Variants in ANO3 observed in about 807,000 individuals in gnomAD.
The protein encoded by ANO3 is anoctamin 3, also known as anoctamin-3.
Under a neutral mutation model 144.8 loss-of-function variants are expected in ANO3, and 99 were observed. The observed-to-expected ratio is 0.68, with a 90% confidence interval of 0.58 to 0.81. The LOEUF (loss-of-function observed/expected upper bound fraction) is 0.81, where lower values mean the gene tolerates loss of function less well. ANO3 is among the 30% of genes least tolerant of loss of function. ANO3 has a pLI of 0.00. For synonymous variants in ANO3, 414 were observed against 392.6 expected, an observed-to-expected ratio of 1.05 and a Z score of -0.64; for missense variants, 905 against 1,202.2, an observed-to-expected ratio of 0.75 and a Z score of 3.66.
At position 26,366,951 on chromosome 11, in the gene ANO3, CA is replaced by C. The variant is rs201987729; in HGVS notation, c.46+34633del. On this transcript the variant is annotated intron_variant, in intron 1 of 26. Coordinates refer to ENST00000256737, the MANE Select transcript of ANO3 (RefSeq NM_031418.4). ...AGAACAGAGCCCTCAGAAATAATACCAAACATCTACAACTATCTGATCTTTG... is the reference window on the plus strand; with the variant it reads ...AGAACAGAGCCCTCAGAAATAATACCAACATCTACAACTATCTGATCTTTG... Among the ~76,000 whole-genome samples the C allele has an allele frequency of 9.8e-3, 1,496 of 152,130 alleles. 27 individuals are homozygous for C. Among genetic ancestry groups the C allele is most frequent in the African/African-American group, 0.034 (1,411 of 41,486 alleles).
chr11:26,622,631 A>G (rs1366182039), intron 17 of ANO3, among the ~76,000 whole-genome samples: 1 of 152,118 alleles, frequency 6.6e-6, no homozygotes, highest in African/African-American at 2.4e-5. Flanking sequence ...GTTAAAAATG[A>G]AATGGTTTAT....
chr11:26,555,077 G>T (rs1850046368), intron 13 of ANO3, among the ~76,000 whole-genome samples: 1 of 152,102 alleles, frequency 6.6e-6, no homozygotes, highest in South Asian at 2.1e-4. Context: ...GTTAGTTTCT[G>T]ATTTATCTTG....
intron 14 of ANO3, among the ~76,000 whole-genome samples, chr11:26,563,746 A>G (rs957180042): frequency 6.6e-6 from 1 of 151,906 alleles, no homozygotes; most frequent in African/African-American, 2.4e-5. Flanking sequence ...ACTACAAGGA[A>G]AAATCAGTGT....
intron 1 of ANO3, among the ~76,000 whole-genome samples, chr11:26,349,396 ATCAT>A (rs1855577026): frequency 6.6e-6 from 1 of 152,176 alleles, no homozygotes; most frequent in African/African-American, 2.4e-5. Flanking sequence ...ATATATAAAA[ATCAT>A]TCACACATGT....
intron 16 of ANO3, 137 bp downstream of exon 16, chr11:26,599,135 A>T: frequency 1.1e-6 from 1 of 903,720 alleles, no homozygotes; most frequent in South Asian, 1.6e-5. Flanking sequence ...ACGTACAATT[A>T]AACAAACAAA....
At chr11:26,431,446 A>T (rs957980038) in intron 1 of ANO3, among the ~76,000 whole-genome samples, 4 of 152,192 alleles carry the variant, frequency 2.6e-5, no homozygotes, top group South Asian at 4.1e-4. Flanking sequence ...ATACATGTGT[A>T]GGTTTGTTAC....
chr11:26,417,908 T>TA (rs960997720), intron 1 of ANO3, among the ~76,000 whole-genome samples: 34 of 152,192 alleles, frequency 2.2e-4, no homozygotes, highest in African/African-American at 8.2e-4. Flanking sequence ...TTTTAGTCTT[T>TA]AAAAAATGGC....
chr11:26,448,558 T>C (rs1013596297), intron 3 of ANO3, among the ~76,000 whole-genome samples: 11 of 152,208 alleles, frequency 7.2e-5, no homozygotes, highest in African/African-American at 2.7e-4. Flanking sequence ...GAGTACATGG[T>C]GATTTTGCTT....
intron 1 of ANO3, among the ~76,000 whole-genome samples, chr11:26,203,342 T>C (rs892802369): frequency 6.6e-6 from 1 of 152,140 alleles, no homozygotes; most frequent in Non-Finnish European, 1.5e-5. Context: ...TTTAGTGCTT[T>C]TTCCAAATTG....
intron 4 of ANO3, among the ~76,000 whole-genome samples, chr11:26,485,655 C>G (rs192500826): frequency 6.6e-6 from 1 of 152,262 alleles, no homozygotes; most frequent in Admixed American, 6.5e-5. Context: ...TGTATGACTT[C>G]CTTTTGAAAA....
intron 14 of ANO3, among the ~76,000 whole-genome samples, chr11:26,587,375 G>C (rs539852695): frequency 1.3e-5 from 2 of 152,304 alleles, no homozygotes; most frequent in East Asian, 3.9e-4. Flanking sequence ...AGAACCTTGA[G>C]ATCACCTAAG....
At chr11:26,189,734 A>C (rs924058443) in intron 1 of ANO3, among the ~76,000 whole-genome samples, 3 of 152,200 alleles carry the variant, frequency 2.0e-5, no homozygotes, top group African/African-American at 7.2e-5. Context: ...TCGTATGCAC[A>C]ATTATATAAA....
rs1851433450 is a variant in ANO3 at position 26,189,391 on chromosome 11, T to C, written c.154+61T>C. The C allele has an allele frequency of 2.5e-5, 22 of 876,344 alleles. No individual in the cohort carries two copies. The Admixed American group carries it at 1.2e-3, about 47-fold the overall frequency. 54.3% of individuals were successfully genotyped at this position (876,344 alleles called of 1,614,324 possible). A position where few individuals can be genotyped will look rare whatever the true frequency, so the allele number is the denominator to read the frequency against. On this transcript the variant is annotated intron_variant, in intron 1 of 27. Transcript: ENST00000672621. Reference sequence around the variant, plus strand: ...TTAACTTATGTTTGTACTTCTTTAATGTCTGATGTGTAATAAATAAATGTT... The same window carrying C: ...TTAACTTATGTTTGTACTTCTTTAACGTCTGATGTGTAATAAATAAATGTT...
intron 14 of ANO3, among the ~76,000 whole-genome samples, chr11:26,591,889 C>T (rs981098440): frequency 5.7e-4 from 86 of 152,112 alleles, no homozygotes; most frequent in Non-Finnish European, 1.2e-3. Context: ...GTATCCAAGA[C>T]TCCACTCCAG....
chr11:26,489,534 G>A (rs1860616953), intron 4 of ANO3, among the ~76,000 whole-genome samples: 1 of 152,300 alleles, frequency 6.6e-6, no homozygotes, highest in Admixed American at 6.5e-5. Flanking sequence ...TGGAATGGTA[G>A]ATCCACCAAC....
intron 21 of ANO3, among the ~76,000 whole-genome samples, chr11:26,639,860 G>A (rs911014483): frequency 6.6e-6 from 1 of 152,022 alleles, no homozygotes; most frequent in Non-Finnish European, 1.5e-5. Context: ...TTAAAATATG[G>A]CAAAATACTG....
At chr11:26,295,335 G>C (rs140052088) in intron 1 of ANO3, among the ~76,000 whole-genome samples, 3,020 of 151,472 alleles carry the variant, frequency 0.02, 91 homozygotes, top group African/African-American at 0.066. Context: ...TGGCTAACAC[G>C]GTAAAACCCC....
intron 1 of ANO3, among the ~76,000 whole-genome samples, chr11:26,388,192 A>C (rs12274387): frequency 0.27 from 40,086 of 151,116 alleles, 5,961 homozygotes; most frequent in African/African-American, 0.4. Context: ...TTTATGGTCT[A>C]TTATGTCCTA....
At chr11:26,332,098 C>A, upstream of ANO3, 1 of 1,476,168 alleles carries the variant, frequency 6.8e-7, no homozygotes, top group East Asian at 2.5e-5. Flanking sequence ...TCCCGCGTTC[C>A]CATGACAACG....
Sources: allele counts gnomAD v4.1 joint callset (sites outside exome capture counted in the v4.1 genomes callset), GRCh38; gene constraint gnomAD v4.1.1; transcripts MANE v1.5; gene names NCBI Gene and HGNC (gene_info 2026-07-23, HGNC 2026-07-21).